Variants in MAML2 observed in about 807,000 individuals in gnomAD.
MAML2 encodes mastermind-like protein 2.
MAML2 carries 22 observed loss-of-function variants against 96.1 expected under a neutral mutation model. The observed-to-expected ratio is 0.23, with a 90% confidence interval of 0.16 to 0.33. The LOEUF is 0.33. MAML2 is among the 10% of genes least tolerant of loss of function. The pLI is 1.00. For synonymous variants in MAML2, 561 were observed against 521.3 expected, an observed-to-expected ratio of 1.08 and a Z score of -1.04; for missense variants, 1,367 against 1,392.4, an observed-to-expected ratio of 0.98 and a Z score of 0.29.
At chr11:96,070,319 T>A (rs957546844) in intron 2 of MAML2, among the ~76,000 whole-genome samples, 6 of 151,908 alleles carry the variant, frequency 3.9e-5, no homozygotes, top group Non-Finnish European at 8.8e-5. Flanking sequence ...AATAAATAAA[T>A]AAGGCATAAC....
chr11:96,186,426 C>T (rs1234432711), intron 1 of MAML2, among the ~76,000 whole-genome samples: 1 of 152,106 alleles, frequency 6.6e-6, no homozygotes, highest in Non-Finnish European at 1.5e-5. Context: ...CTTGTCTCTA[C>T]TAAAAATACA....
At chr11:96,270,876 A>C (rs190887066) in intron 1 of MAML2, among the ~76,000 whole-genome samples, 9 of 152,292 alleles carry the variant, frequency 5.9e-5, no homozygotes, top group Non-Finnish European at 1.2e-4. Flanking sequence ...TGGATCGGGA[A>C]AGGCAGACCC....
chr11:96,176,937 C>G (rs566285248), intron 1 of MAML2, among the ~76,000 whole-genome samples: 2 of 152,136 alleles, frequency 1.3e-5, no homozygotes, highest in Admixed American at 1.3e-4. Context: ...CAAGCACCAT[C>G]CTAGGCACTA....
chr11:96,042,299 T>C (rs1440582556), intron 2 of MAML2, among the ~76,000 whole-genome samples: 2 of 151,950 alleles, frequency 1.3e-5, no homozygotes, highest in African/African-American at 4.8e-5. Flanking sequence ...TTTTTGTATT[T>C]TTAGTAGAGA....
chr11:96,244,894 T>A (rs1328735822), intron 1 of MAML2, among the ~76,000 whole-genome samples: 4 of 152,146 alleles, frequency 2.6e-5, no homozygotes, highest in African/African-American at 9.7e-5. Flanking sequence ...AAAGACACAG[T>A]CATAAGATGT....
chr11:96,155,543 T>TATAC (rs1860999011), intron 1 of MAML2, among the ~76,000 whole-genome samples: 1 of 106,174 alleles, frequency 9.4e-6, no homozygotes, highest in Non-Finnish European at 2.0e-5. Flanking sequence ...TATATATATA[T>TATAC]ATATATATGA....
chr11:96,138,718 C>T (rs867985622), intron 1 of MAML2, among the ~76,000 whole-genome samples: 7 of 152,162 alleles, frequency 4.6e-5, no homozygotes, highest in Middle Eastern at 3.4e-3. Context: ...GAAGCACCTC[C>T]GAGACATAGT....
chr11:96,060,149 G>T (rs1446273008), intron 2 of MAML2, among the ~76,000 whole-genome samples: 1 of 152,154 alleles, frequency 6.6e-6, no homozygotes, highest in African/African-American at 2.4e-5. Context: ...GTAAAGTGAG[G>T]CAAGAACTTT....
At chr11:96,122,323 G>A (rs1445049190) in intron 1 of MAML2, among the ~76,000 whole-genome samples, 2 of 151,416 alleles carry the variant, frequency 1.3e-5, no homozygotes, top group East Asian at 1.9e-4. Context: ...TTTCCTCTAG[G>A]GTGATTCTCC....
chr11:96,282,058 G>T (rs1020248379), intron 1 of MAML2, among the ~76,000 whole-genome samples: 4 of 151,962 alleles, frequency 2.6e-5, no homozygotes, highest in South Asian at 4.2e-4. Flanking sequence ...GACTATCCTG[G>T]CTAACATGGT....
intron 1 of MAML2, among the ~76,000 whole-genome samples, chr11:96,308,778 T>C (rs1863499988): frequency 1.3e-5 from 2 of 152,232 alleles, no homozygotes; most frequent in South Asian, 2.1e-4. Context: ...TTGTTTCTTA[T>C]ATGTCTTCCT....
rs77354508 is a variant in MAML2, at chr11:95,992,325, G to C, written c.2140-602C>G. ...CAACAATTCAGGTATCTCGGCGCAA[G>C]AATCTCAGTAAAAGAATACCCGACA... On this transcript the variant is annotated intron_variant, in intron 2 of 4. Coordinates refer to ENST00000524717, the MANE Select transcript of MAML2 (RefSeq NM_032427.4). Among the ~76,000 whole-genome samples, 663 of 152,214 alleles carry C rather than the reference G, an allele frequency of 4.4e-3. 5 individuals carry two copies. The highest frequency in any genetic ancestry group is 0.015 in the African/African-American group (626 of 41,538).
intron 1 of MAML2, among the ~76,000 whole-genome samples, chr11:96,120,602 T>G (rs986417849): frequency 2.0e-5 from 3 of 152,212 alleles, no homozygotes; most frequent in Non-Finnish European, 2.9e-5. Context: ...GATAATTATA[T>G]CATTAAGTCT....
chr11:96,133,920 G>C (rs772899563), intron 1 of MAML2, among the ~76,000 whole-genome samples: 1 of 152,146 alleles, frequency 6.6e-6, no homozygotes, highest in African/African-American at 2.4e-5. Context: ...CTTGAGCCCA[G>C]GAGGCAGAGG....
At chr11:96,193,078 T>C (rs1226434425) in intron 1 of MAML2, among the ~76,000 whole-genome samples, 9 of 152,200 alleles carry the variant, frequency 5.9e-5, no homozygotes, top group Non-Finnish European at 1.0e-4. Flanking sequence ...GATTAAAGTA[T>C]GGTGTTGGGG....
intron 1 of MAML2, among the ~76,000 whole-genome samples, chr11:96,316,834 T>A (rs1253039397): frequency 1.3e-5 from 2 of 151,938 alleles, no homozygotes; most frequent in Non-Finnish European, 2.9e-5. Flanking sequence ...GGAGAGGGGA[T>A]CCTGAACTGG....
At chr11:96,123,316 C>G (rs1009089389) in intron 1 of MAML2, among the ~76,000 whole-genome samples, 1 of 144,690 alleles carries the variant, frequency 6.9e-6, no homozygotes, top group Non-Finnish European at 1.5e-5. Context: ...TTTTTTTTTT[C>G]ACGTATCTGC....
At chr11:96,108,821 C>T (rs1169079952) in intron 1 of MAML2, among the ~76,000 whole-genome samples, 1 of 151,970 alleles carries the variant, frequency 6.6e-6, no homozygotes, top group Non-Finnish European at 1.5e-5. Flanking sequence ...TCGCTTGAGT[C>T]CAGGAGTTCG....
At chr11:96,056,574 G>A (rs1014332194) in intron 2 of MAML2, among the ~76,000 whole-genome samples, 1 of 152,056 alleles carries the variant, frequency 6.6e-6, no homozygotes, top group African/African-American at 2.4e-5. Context: ...TGCCACAGCC[G>A]CTGTTAATAT....
Sources: allele counts gnomAD v4.1 joint callset (sites outside exome capture counted in the v4.1 genomes callset), GRCh38; gene constraint gnomAD v4.1.1; transcripts MANE v1.5; gene names NCBI Gene and HGNC (gene_info 2026-07-23, HGNC 2026-07-21).